Variants in ARHGAP26 observed in about 807,000 individuals in gnomAD.
ARHGAP26 encodes Rho GTPase activating protein 26.
ARHGAP26 carries 38 observed loss-of-function variants against 104.8 expected under a neutral mutation model. The ratio of observed to expected loss-of-function variants is 0.36; its 90% CI spans 0.28 to 0.48. ARHGAP26 has a LOEUF of 0.48. Ranked by LOEUF, ARHGAP26 falls within the 20% of genes least tolerant of loss-of-function variation. ARHGAP26 has a pLI of 0.99. For missense variants in ARHGAP26, 704 were observed against 947.9 expected (o/e 0.74, Z 3.38); for synonymous variants, 341 against 340.0 (o/e 1.00, Z -0.03).
At chr5:143,182,898 C>G (rs1051986616) in intron 20 of ARHGAP26, among the ~76,000 whole-genome samples, 1 of 152,044 alleles carries the variant, frequency 6.6e-6, no homozygotes, top group African/African-American at 2.4e-5. Flanking sequence ...TGTAGTCCTC[C>G]TAATCCTGTG....
chr5:142,937,799 T>A (rs202002212), intron 11 of ARHGAP26, among the ~76,000 whole-genome samples: 1,731 of 97,828 alleles, frequency 0.018, 28 homozygotes, highest in African/African-American at 0.051. Flanking sequence ...CAAAAAAAAA[T>A]ATACTTTAAT....
At position 142,959,537 on chromosome 5, in the gene ARHGAP26, A is replaced by G. The variant is rs1459973351; in HGVS notation, c.1107+27412A>G. Reference sequence around the variant, plus strand: ...CACAGATCCTTGCTGGCTGTCAGCCAGGACCCCCTCCCAGCCTCTGGAGGC... The same window carrying G: ...CACAGATCCTTGCTGGCTGTCAGCCGGGACCCCCTCCCAGCCTCTGGAGGC... On this transcript the variant is annotated intron_variant, in intron 11 of 22. Coordinates refer to ENST00000645722, the MANE Select transcript of ARHGAP26 (RefSeq NM_001135608.3). Among the ~76,000 whole-genome samples, 12 of 152,156 alleles carry G rather than the reference A, an allele frequency of 7.9e-5. 1 individual carries two copies. Among genetic ancestry groups the G allele is most frequent in the Admixed American group, 7.9e-4 (12 of 15,284 alleles).
chr5:143,194,876 C>T (rs550989116), intron 20 of ARHGAP26, among the ~76,000 whole-genome samples: 2 of 146,654 alleles, frequency 1.4e-5, no homozygotes, highest in South Asian at 2.1e-4. Context: ...TGGCAGCCTG[C>T]GCCAGCCATT....
rs374601979 is a variant in ARHGAP26 at position 142,834,683 on chromosome 5, A to C, written c.155-38717A>C. On this transcript the variant is annotated intron_variant, in intron 1 of 22. Transcript: ENST00000645722. ...GGCAGCTTCAGGGCAGCTTTCCAAA[A>C]GGACAAAGGTGGAAGCTCCGGGCCT... Among the ~76,000 whole-genome samples the C allele has an allele frequency of 3.3e-5, 5 of 152,322 alleles. No homozygotes were observed. In the East Asian group the frequency reaches 9.7e-4, roughly 29 times the overall value.
chr5:142,863,100 A>C (rs1753652629), intron 1 of ARHGAP26, among the ~76,000 whole-genome samples: 1 of 151,282 alleles, frequency 6.6e-6, no homozygotes, highest in Non-Finnish European at 1.5e-5. Context: ...TTGGTTTTCA[A>C]GTGAGGTTTT....
intron 17 of ARHGAP26, among the ~76,000 whole-genome samples, chr5:143,104,690 TAA>T (rs1222442725): frequency 6.6e-6 from 1 of 152,234 alleles, no homozygotes; most frequent in Non-Finnish European, 1.5e-5. Flanking sequence ...GGGAGATTTC[TAA>T]ATTATCGAAT....
intron 11 of ARHGAP26, among the ~76,000 whole-genome samples, chr5:142,978,837 C>T (rs1773514759): frequency 6.7e-6 from 1 of 148,916 alleles, no homozygotes; most frequent in African/African-American, 2.5e-5. Context: ...GATATAATGG[C>T]CAGTCATGTC....
chr5:143,065,290 T>G (rs1011670839), intron 17 of ARHGAP26, among the ~76,000 whole-genome samples: 2 of 152,150 alleles, frequency 1.3e-5, no homozygotes, highest in Non-Finnish European at 2.9e-5. Context: ...ATTGATTCGC[T>G]CACACTGTTT....
At chr5:142,772,497 T>A (rs1597549095) in intron 1 of ARHGAP26, among the ~76,000 whole-genome samples, 1 of 152,240 alleles carries the variant, frequency 6.6e-6, no homozygotes, top group East Asian at 1.9e-4. Flanking sequence ...GTGATTGTGG[T>A]GTACTGGGTA....
chr5:143,110,174 C>T (rs1399680584), intron 17 of ARHGAP26, among the ~76,000 whole-genome samples: 2 of 152,214 alleles, frequency 1.3e-5, no homozygotes, highest in African/African-American at 2.4e-5. Flanking sequence ...CTATACTCCC[C>T]ATCCCTTTCA....
intron 20 of ARHGAP26, among the ~76,000 whole-genome samples, chr5:143,160,207 C>A (rs1562528055): frequency 6.6e-6 from 1 of 151,758 alleles, no homozygotes; most frequent in Admixed American, 6.6e-5. Context: ...CTACAGGTGC[C>A]CGCCACCACA....
rs536418876 is a variant in ARHGAP26, at chr5:142,985,351, T to C, written c.1108-28729T>C. 4.6e-5 allele frequency among the ~76,000 whole-genome samples: 7 copies of C among 152,326 alleles called. No individual in the cohort carries two copies. The East Asian group carries it at 1.2e-3, about 25-fold the overall frequency. On this transcript the variant is annotated intron_variant, in intron 11 of 22. Transcript: ENST00000645722. ...AAGAACACTTTAAATAACTTTAGTG[T>C]AGCCTAAGTGTACAGTGTTTATAAA...
intron 11 of ARHGAP26, among the ~76,000 whole-genome samples, chr5:142,978,568 C>T (rs1485653636): frequency 6.6e-6 from 1 of 152,102 alleles, no homozygotes; most frequent in Non-Finnish European, 1.5e-5. Context: ...TAATTTTATG[C>T]CCCAGATTCT....
intron 20 of ARHGAP26, among the ~76,000 whole-genome samples, chr5:143,200,018 A>C (rs964097022): frequency 5.3e-5 from 8 of 152,194 alleles, no homozygotes; most frequent in Non-Finnish European, 5.9e-5. Context: ...CCCTCTTGTC[A>C]AAATGCCCTT....
At chr5:143,159,617 G>A (rs2151053490) in intron 20 of ARHGAP26, among the ~76,000 whole-genome samples, 1 of 152,330 alleles carries the variant, frequency 6.6e-6, no homozygotes, top group Admixed American at 6.5e-5. Flanking sequence ...TGGAGCCTCA[G>A]AGTTAACTGA....
chr5:143,126,300 G>C (rs997038567), intron 18 of ARHGAP26, among the ~76,000 whole-genome samples: 2 of 152,168 alleles, frequency 1.3e-5, no homozygotes, highest in Admixed American at 1.3e-4. Flanking sequence ...AAAGACTGTG[G>C]GTTGTTAGCA....
chr5:142,854,891 C>T (rs914718916), intron 1 of ARHGAP26, among the ~76,000 whole-genome samples: 2 of 152,148 alleles, frequency 1.3e-5, no homozygotes, highest in Non-Finnish European at 2.9e-5. Flanking sequence ...CTCTACTCTA[C>T]GCTCCCATGG....
intron 12 of ARHGAP26, among the ~76,000 whole-genome samples, chr5:143,022,370 G>A (rs1598671315): frequency 6.6e-6 from 1 of 152,338 alleles, no homozygotes; most frequent in Middle Eastern, 3.4e-3. Context: ...ACTGCGCCTG[G>A]CCAATCCCCT....
At chr5:143,059,308 A>G (rs1598841838) in intron 17 of ARHGAP26, among the ~76,000 whole-genome samples, 1 of 152,208 alleles carries the variant, frequency 6.6e-6, no homozygotes, top group African/African-American at 2.4e-5. Flanking sequence ...TCTGAAAGCC[A>G]TGGGCCTTTT....
Sources: gnomAD v4.1 joint callset for allele counts (sites outside exome capture counted in the v4.1 genomes callset) on GRCh38, gnomAD v4.1.1 for gene constraint, MANE v1.5 for transcripts, NCBI Gene and HGNC (gene_info 2026-07-23, HGNC 2026-07-21) for gene names.